The following TBC1D1 variants were observed in gnomAD, a reference collection of about 807,000 sequenced individuals.
The protein encoded by TBC1D1 is TBC1 domain family member 1, also known as TBC1 (tre-2/USP6, BUB2, cdc16) domain family, member 1.
A neutral mutation model predicts 125.6 loss-of-function variants in TBC1D1; 89 were observed. The ratio of observed to expected loss-of-function variants is 0.71; its 90% CI spans 0.60 to 0.85. TBC1D1 has a LOEUF of 0.85. Ranked by LOEUF, TBC1D1 falls within the 40% of genes least tolerant of loss-of-function variation. TBC1D1 has a pLI of 0.00. For synonymous variants in TBC1D1, 565 were observed against 564.1 expected (o/e 1.00, Z -0.02); for missense variants, 1,377 against 1,469.2 (o/e 0.94, Z 1.03).
At chr4:37,965,704 G>A (rs1475700907) in intron 2 of TBC1D1, among the ~76,000 whole-genome samples, 2 of 152,054 alleles carry the variant, frequency 1.3e-5, no homozygotes, top group African/African-American at 4.8e-5. Flanking sequence ...CCTGAGCGAA[G>A]GCTGCCAGGT....
intron 3 of TBC1D1, among the ~76,000 whole-genome samples, chr4:38,015,338 T>A (rs1222345169): frequency 6.6e-6 from 1 of 152,236 alleles, no homozygotes; most frequent in Non-Finnish European, 1.5e-5. Flanking sequence ...ACACCCTCTC[T>A]ACTATTAATA....
intron 2 of TBC1D1, among the ~76,000 whole-genome samples, chr4:37,933,433 TACAC>T (rs3038289): frequency 0.33 from 48,686 of 147,000 alleles, 7,942 homozygotes; most frequent in Middle Eastern, 0.37. Context: ...ACATATGTTT[TACAC>T]ACACACACAC....
At position 38,014,610 on chromosome 4, in the gene TBC1D1, C is replaced by G; in HGVS notation, c.519C>G (p.Phe173Leu). The G allele has an allele frequency of 1.9e-6, 3 of 1,613,428 alleles. No individual in the cohort carries two copies. Among genetic ancestry groups the G allele is most frequent in the South Asian group, 2.2e-5 (2 of 91,078 alleles). ...TCGACGACACGTTTTCCAAGAAGTT[C>G]GAGGTGCTCTTCTGCGGCCGCGTGA... Residue 173 changes from phenylalanine to leucine, a missense_variant, in exon 3 of 20, where the codon TTC becomes TTG. Phe to Leu is a conservative substitution (Grantham distance 22). Transcript: ENST00000261439. This position sits in a 1 kb window ranked among gnomAD's most constrained non-coding sequence, Gnocchi z 5.1.
At chr4:38,120,241 C>A in intron 17 of TBC1D1, 1 of 489,870 alleles carries the variant, frequency 2.0e-6, no homozygotes, top group Non-Finnish European at 2.7e-6. Context: ...GGGTCGTTGT[C>A]CAGCTGGCCA....
intron 12 of TBC1D1, among the ~76,000 whole-genome samples, chr4:38,059,052 T>C (rs1752279855): frequency 6.6e-6 from 1 of 152,250 alleles, no homozygotes; most frequent in Non-Finnish European, 1.5e-5. Flanking sequence ...TGTGACTGTT[T>C]TCTATGCACA....
At chr4:37,949,227 T>G (rs2380953) in intron 2 of TBC1D1, among the ~76,000 whole-genome samples, 3 of 152,066 alleles carry the variant, frequency 2.0e-5, no homozygotes, top group Non-Finnish European at 4.4e-5. Flanking sequence ...TGTGGAGACT[T>G]TTTTGACATA....
Position 38,014,701 on chromosome 4 carries a change from A to C in TBC1D1, c.610A>C (p.Ser204Arg), listed in dbSNP as rs1742271816. 1 of 1,612,782 alleles carries C rather than the reference A, an allele frequency of 6.2e-7. No homozygotes were observed. Among genetic ancestry groups the C allele is most frequent in the Non-Finnish European group, 8.5e-7 (1 of 1,179,928 alleles). ...GTGCATCGAGAAGTTCAATCACGTC[A>C]GCGGCAGCCGGGGGTCCGAGAGCCC... Residue 204 changes from serine to arginine, a missense_variant, in exon 3 of 20, where the codon AGC becomes CGC. Physicochemically the swap from Ser to Arg is moderately radical, Grantham distance 110. Around this residue, in one of 3 missense-constraint regions of TBC1D1, gnomAD observed 822 missense variants for 824.6 expected, o/e 1.00. Coordinates refer to ENST00000261439, the MANE Select transcript of TBC1D1 (RefSeq NM_015173.4). This position sits in a 1 kb window ranked among gnomAD's most constrained non-coding sequence, Gnocchi z 5.1.
chr4:38,052,050 G>T, intron 11 of TBC1D1: 2 of 1,551,104 alleles, frequency 1.3e-6, no homozygotes, highest in East Asian at 4.9e-5. Context: ...TGGGAATGCT[G>T]TGCCAAAGAG....
intron 12 of TBC1D1, among the ~76,000 whole-genome samples, chr4:38,083,314 C>T (rs1381034495): frequency 6.6e-6 from 1 of 152,208 alleles, no homozygotes; most frequent in Non-Finnish European, 1.5e-5. Flanking sequence ...AGTCAGCCAG[C>T]CTTGTCTTCT....
chr4:38,080,022 T>C (rs1159166702), intron 12 of TBC1D1, among the ~76,000 whole-genome samples: 4 of 152,184 alleles, frequency 2.6e-5, no homozygotes, highest in African/African-American at 9.7e-5. Flanking sequence ...TTTGATCCAG[T>C]AGGTTTGGGG....
chr4:37,947,940 G>A (rs1333024820), intron 2 of TBC1D1, among the ~76,000 whole-genome samples: 2 of 152,074 alleles, frequency 1.3e-5, no homozygotes, highest in African/African-American at 2.4e-5. Flanking sequence ...AACAGGGCCT[G>A]CTAGATGGTA....
Position 38,064,445 on chromosome 4 carries a change from G to T in TBC1D1, c.2050+10107G>T, listed in dbSNP as rs1330434953. Among the ~76,000 whole-genome samples the T allele has an allele frequency of 2.6e-5, 4 of 152,152 alleles. No individual in the cohort carries two copies. In the East Asian group the frequency reaches 7.7e-4, roughly 29 times the overall value. On this transcript the variant is annotated intron_variant, in intron 12 of 19. Coordinates refer to ENST00000261439, the MANE Select transcript of TBC1D1 (RefSeq NM_015173.4). ...CTGGCCCTAGGCTTTCCTGCAGGCT[G>T]CCATGTGCCTTTCTTCTGCCTAGGC...
intron 14 of TBC1D1, 88 bp from the exon 17 acceptor site, chr4:38,102,911 A>T: frequency 7.2e-7 from 1 of 1,393,818 alleles, no homozygotes; most frequent in Non-Finnish European, 9.7e-7. Flanking sequence ...AAGAATTTGG[A>T]TAAATGGAAC....
Position 38,137,316 on chromosome 4 carries a change from C to G in TBC1D1, c.3488C>G (p.Pro1163Arg). Reference sequence around the variant, plus strand: ...GACCGGGAGCCTGAGTGCACGCAGCCCGAGCCCACGGGCGACTGACAGCTC... The same window carrying G: ...GACCGGGAGCCTGAGTGCACGCAGCGCGAGCCCACGGGCGACTGACAGCTC... The change falls in exon 20 of 20, where the codon CCC becomes CGC. Residue 1163 changes from proline (P) to arginine (R), a missense_variant. Pro to Arg is a moderately radical substitution (Grantham distance 103, BLOSUM62 -2). Transcript: ENST00000261439. 3.1e-6 allele frequency: 5 copies of G among 1,610,998 alleles called. No individual in the cohort carries two copies. The highest frequency in any genetic ancestry group is 4.2e-6 in the Non-Finnish European group (5 of 1,179,560).
At chr4:37,914,271 G>A (rs754907523) in intron 2 of TBC1D1, among the ~76,000 whole-genome samples, 4 of 152,124 alleles carry the variant, frequency 2.6e-5, no homozygotes, top group African/African-American at 9.7e-5. Flanking sequence ...TTTCTAGTTG[G>A]CTGTTAACTA....
Position 38,049,683 on chromosome 4 carries a change from C to T in TBC1D1, c.1695C>T (p.Ser565=). The change falls in exon 11 of 20, where the codon TCC becomes TCT. Residue 565 remains serine (S), a synonymous_variant. Coordinates refer to ENST00000261439, the MANE Select transcript of TBC1D1 (RefSeq NM_015173.4). ...AGAGCTCCTTTAAGCTCCTCGGCTC[C>T]TCGGAGGACCTGTCCAGTGACTCGG... 1 of 1,614,130 alleles carries T rather than the reference C, an allele frequency of 6.2e-7. No homozygotes were observed.
At chr4:37,974,303 T>TG (rs1732618629) in intron 2 of TBC1D1, among the ~76,000 whole-genome samples, 3 of 152,124 alleles carry the variant, frequency 2.0e-5, no homozygotes, top group African/African-American at 7.2e-5. Context: ...GAATCTCAAC[T>TG]CACTGCAGTT....
At chr4:38,113,510 A>G (rs1762505115) in intron 15 of TBC1D1, among the ~76,000 whole-genome samples, 1 of 152,230 alleles carries the variant, frequency 6.6e-6, no homozygotes, top group Non-Finnish European at 1.5e-5. Context: ...CAGAATAACT[A>G]AACCTTCCCT....
intron 16 of TBC1D1, among the ~76,000 whole-genome samples, chr4:38,117,715 G>C (rs1305222267): frequency 6.6e-6 from 1 of 152,178 alleles, no homozygotes; most frequent in Non-Finnish European, 1.5e-5. Flanking sequence ...ATTTGTAAGA[G>C]AATTTATGAA....
Sources: gnomAD v4.1 joint callset for allele counts (sites outside exome capture counted in the v4.1 genomes callset) on GRCh38, gnomAD v4.1.1 for gene constraint, gnomAD v4.1.1 regional missense constraint, Gnocchi (gnomAD v3.1) non-coding constraint, MANE v1.5 for transcripts, NCBI Gene and HGNC (gene_info 2026-07-23, HGNC 2026-07-21) for gene names.